The following SPHKAP variants were observed in gnomAD, a reference collection of about 807,000 sequenced individuals.
SPHKAP encodes the protein SPHK1 interactor, AKAP domain containing.
Under a neutral mutation model 137.5 loss-of-function variants are expected in SPHKAP, and 67 were observed. The observed-to-expected ratio is 0.49, with a 90% CI of 0.40 to 0.60. SPHKAP has a LOEUF of 0.60. SPHKAP is among the 20% of genes least tolerant of loss of function. The pLI is 0.00. For synonymous variants in SPHKAP, 813 were observed against 785.3 expected, an observed-to-expected ratio of 1.04 and a Z score of -0.59; for missense variants, 2,097 against 2,069.3, an observed-to-expected ratio of 1.01 and a Z score of -0.26.
chr2:228,056,116 T>C (rs2106280024), intron 3 of SPHKAP, among the ~76,000 whole-genome samples: 1 of 152,256 alleles, frequency 6.6e-6, no homozygotes, highest in East Asian at 1.9e-4. Flanking sequence ...TGAATCACTC[T>C]CCTACTATTG....
rs1402968007 is a variant in SPHKAP, at chr2:227,997,589, A to G, written c.4449-1895T>C. On this transcript the variant is annotated intron_variant, in intron 7 of 11. Transcript: ENST00000392056. ...TAATAACATGCTTTTGTTAAGAATC[A>G]CGTCTAATAACACGCTGTTTTGATC... is the stretch of plus-strand genomic sequence containing the variant. 3.3e-5 allele frequency among the ~76,000 whole-genome samples: 5 copies of G among 152,162 alleles called. No homozygotes were observed. The South Asian group carries it at 8.3e-4, about 25-fold the overall frequency.
rs149273708 is a variant in SPHKAP at position 228,177,653 on chromosome 2, T to G, written c.32+3914A>C. Among the ~76,000 whole-genome samples, 1,264 of 152,290 alleles carry G rather than the reference T, an allele frequency of 8.3e-3. 8 individuals are homozygous for G. The highest frequency in any genetic ancestry group is 0.017 in the African/African-American group (708 of 41,560). ...TCATAGTCCAGTATACAGTATTGGG[T>G]TGTTTGTTCCATTTTAAAAAATCAA... On this transcript the variant is annotated intron_variant, in intron 1 of 11. Transcript: ENST00000392056.
chr2:227,989,782 T>G (rs1286861720), intron 11 of SPHKAP, among the ~76,000 whole-genome samples: 4 of 149,808 alleles, frequency 2.7e-5, no homozygotes, highest in Admixed American at 6.6e-5. Flanking sequence ...ATTTTTGTTT[T>G]TTTTTTTTTT....
intron 9 of SPHKAP, among the ~76,000 whole-genome samples, chr2:227,992,208 TTCTC>T (rs1312784449): frequency 6.6e-6 from 1 of 152,230 alleles, no homozygotes; most frequent in Non-Finnish European, 1.5e-5. Flanking sequence ...CGATAGATGA[TTCTC>T]TCATTCTGCT....
At chr2:228,033,411 T>C (rs1416461926) in intron 3 of SPHKAP, among the ~76,000 whole-genome samples, 1 of 152,058 alleles carries the variant, frequency 6.6e-6, no homozygotes, top group Non-Finnish European at 1.5e-5. Flanking sequence ...GAAACTTAGA[T>C]TCCCATACAA....
chr2:228,134,467 T>C (rs527674974), intron 1 of SPHKAP, among the ~76,000 whole-genome samples: 1 of 152,246 alleles, frequency 6.6e-6, no homozygotes, highest in South Asian at 2.1e-4. Flanking sequence ...ATGTCCTAAG[T>C]TTTCAGCCCC....
chr2:228,005,948 C>T (rs1038361748), intron 7 of SPHKAP, among the ~76,000 whole-genome samples: 1 of 152,152 alleles, frequency 6.6e-6, no homozygotes, highest in Non-Finnish European at 1.5e-5. Flanking sequence ...GGTAACCCGA[C>T]CTTTCTCTTT....
At chr2:228,177,764 T>C (rs1322753716) in intron 1 of SPHKAP, among the ~76,000 whole-genome samples, 1 of 152,224 alleles carries the variant, frequency 6.6e-6, no homozygotes, top group Non-Finnish European at 1.5e-5. Flanking sequence ...CATTAAACTT[T>C]AGATTGGTTA....
intron 1 of SPHKAP, among the ~76,000 whole-genome samples, chr2:228,158,225 A>C (rs972714681): frequency 5.3e-5 from 8 of 152,066 alleles, no homozygotes; most frequent in African/African-American, 1.9e-4. Context: ...ATTGTCCACT[A>C]TCTGCATTCT....
chr2:228,039,525 T>G (rs1166856169), intron 3 of SPHKAP, among the ~76,000 whole-genome samples: 1 of 152,186 alleles, frequency 6.6e-6, no homozygotes, highest in Non-Finnish European at 1.5e-5. Context: ...TGAAGTTCCA[T>G]GTAGGCATTT....
At chr2:228,104,312 AATAAT>A (rs1281485494) in intron 3 of SPHKAP, among the ~76,000 whole-genome samples, 2 of 145,804 alleles carry the variant, frequency 1.4e-5, no homozygotes, top group Non-Finnish European at 3.0e-5. Flanking sequence ...TAATAATATT[AATAAT>A]ATAATATTAA....
Position 228,071,991 on chromosome 2 carries a change from G to A in SPHKAP, c.246+36841C>T, listed in dbSNP as rs1236114179. On this transcript the variant is annotated intron_variant, in intron 3 of 11. Coordinates refer to ENST00000392056, the MANE Select transcript of SPHKAP (RefSeq NM_001142644.2). ...GTATTTCTGGAAGAGACTAGCCATT[G>A]AATCAGGGGACTGAGCAGCACAGAT... Among the ~76,000 whole-genome samples, 3 of 152,198 alleles carry A rather than the reference G, an allele frequency of 2.0e-5. No homozygotes were observed. In the East Asian group the frequency reaches 5.8e-4, roughly 29 times the overall value.
At chr2:228,027,854 T>A in intron 3 of SPHKAP, 1 of 240,662 alleles carries the variant, frequency 4.2e-6, no homozygotes, top group Non-Finnish European at 6.6e-6. Flanking sequence ...TAGTCCCAGC[T>A]ACTCGGGAGG....
chr2:228,160,280 T>A (rs1700236275), intron 1 of SPHKAP, among the ~76,000 whole-genome samples: 1 of 152,206 alleles, frequency 6.6e-6, no homozygotes, highest in Non-Finnish European at 1.5e-5. Context: ...TTAATATATT[T>A]ACTTTGTTAC....
At chr2:228,093,631 G>A (rs888874667) in intron 3 of SPHKAP, among the ~76,000 whole-genome samples, 1 of 151,946 alleles carries the variant, frequency 6.6e-6, no homozygotes, top group East Asian at 1.9e-4. Context: ...AGGCTGAGGT[G>A]GGGGGACCAC....
intron 3 of SPHKAP, among the ~76,000 whole-genome samples, chr2:228,107,423 G>A (rs1698377099): frequency 6.6e-6 from 1 of 152,078 alleles, no homozygotes; most frequent in Non-Finnish European, 1.5e-5. Context: ...AGAAGGATTA[G>A]GGAGAATCAT....
At chr2:228,006,968 A>G (rs997342369) in intron 7 of SPHKAP, among the ~76,000 whole-genome samples, 4 of 152,298 alleles carry the variant, frequency 2.6e-5, no homozygotes, top group South Asian at 2.1e-4. Context: ...TGCCTCCCAG[A>G]TAGGCTACTC....
Position 228,016,832 on chromosome 2 carries a change from G to GGAGA in SPHKAP, c.4018_4021dup (p.Pro1341LeufsTer11). 1 of 1,613,950 alleles carries GGAGA rather than the reference G, an allele frequency of 6.2e-7. No homozygotes were observed. Among genetic ancestry groups the GGAGA allele is most frequent in the Non-Finnish European group, 8.5e-7 (1 of 1,179,990 alleles). On this transcript the variant is annotated frameshift_variant, in exon 7 of 12. Coordinates refer to ENST00000392056, the MANE Select transcript of SPHKAP (RefSeq NM_001142644.2). LOFTEE classifies it high-confidence loss of function. ...ATTTGCACACTTCTCTGCTTGCGAG[G>GGAGA]GAGAGCCACCAGAAACAGGCTCAGT...
intron 7 of SPHKAP, among the ~76,000 whole-genome samples, chr2:228,015,218 A>G (rs796811232): frequency 1.2e-4 from 18 of 151,790 alleles, no homozygotes; most frequent in African/African-American, 3.6e-4. Flanking sequence ...ATGATTTCCA[A>G]TTTCATCCAT....
Sources: allele counts gnomAD v4.1 joint callset (sites outside exome capture counted in the v4.1 genomes callset), GRCh38; gene constraint gnomAD v4.1.1; transcripts MANE v1.5; gene names NCBI Gene and HGNC (gene_info 2026-07-23, HGNC 2026-07-21).